Variants in UNC13C observed in about 807,000 individuals in gnomAD.
UNC13C encodes protein unc-13 homolog C.
UNC13C carries 174 observed loss-of-function variants against 245.4 expected under a neutral mutation model. That is an observed-to-expected ratio of 0.71 (90% confidence interval 0.63 to 0.80). UNC13C has a LOEUF of 0.80. UNC13C is among the 30% of genes least tolerant of loss of function. UNC13C has a pLI of 0.00. For synonymous variants in UNC13C, 992 were observed against 895.1 expected (o/e 1.11, Z -1.93); for missense variants, 2,829 against 2,602.9 (o/e 1.09, Z -1.89).
the UNC13C span, among the ~76,000 whole-genome samples, chr15:53,970,777 C>A: frequency 2.0e-5 from 3 of 152,192 alleles, no homozygotes; most frequent in African/African-American, 7.2e-5. Context: ...ACCACCATGG[C>A]ACATGTTGAC....
At chr15:54,488,197 G>A (rs1014863467) in intron 19 of UNC13C, among the ~76,000 whole-genome samples, 3 of 152,110 alleles carry the variant, frequency 2.0e-5, no homozygotes, top group South Asian at 2.1e-4. Flanking sequence ...AAATGCTTAC[G>A]TGTGTTTTGT....
chr15:54,277,477 G>T (rs950094646), intron 10 of UNC13C, among the ~76,000 whole-genome samples: 1 of 152,132 alleles, frequency 6.6e-6, no homozygotes. Context: ...CACTAACTCT[G>T]GGGGAACATT....
intron 2 of UNC13C, among the ~76,000 whole-genome samples, chr15:54,064,787 C>A (rs1208725814): frequency 1.3e-5 from 2 of 152,046 alleles, no homozygotes; most frequent in African/African-American, 2.4e-5. Context: ...TGAAGAGTTC[C>A]CATCACTTTC....
At chr15:53,887,573 G>A in the UNC13C span, among the ~76,000 whole-genome samples, 1 of 152,012 alleles carries the variant, frequency 6.6e-6, no homozygotes, top group East Asian at 1.9e-4. Flanking sequence ...CATGGGGTCT[G>A]TTTCTTTTTG....
intron 2 of UNC13C, among the ~76,000 whole-genome samples, chr15:54,104,405 TC>T (rs1900329109): frequency 6.6e-6 from 1 of 152,264 alleles, no homozygotes; most frequent in Middle Eastern, 3.4e-3. Flanking sequence ...TAGATTTTTT[TC>T]CCCCTGGCCA....
At chr15:54,304,086 A>G (rs1220526734) in intron 13 of UNC13C, among the ~76,000 whole-genome samples, 2 of 151,914 alleles carry the variant, frequency 1.3e-5, no homozygotes, top group Admixed American at 1.3e-4. Context: ...GATAGTAAAT[A>G]TTTTGTAGTT....
chr15:54,212,441 C>G (rs1334830753), intron 4 of UNC13C, among the ~76,000 whole-genome samples: 1 of 152,000 alleles, frequency 6.6e-6, no homozygotes, highest in Non-Finnish European at 1.5e-5. Flanking sequence ...GGAAACAGCT[C>G]CCACATCAAT....
At chr15:54,219,356 C>T (rs8030770) in intron 4 of UNC13C, among the ~76,000 whole-genome samples, 6,855 of 152,046 alleles carry the variant, frequency 0.045, 488 homozygotes, top group African/African-American at 0.16. Flanking sequence ...GGAAAGGATT[C>T]CCTATTTAAT....
At position 54,533,004 on chromosome 15, in the gene UNC13C, G is replaced by T. The variant is rs1442265111; in HGVS notation, c.5634G>T (p.Lys1878Asn). 7.5e-6 allele frequency: 12 copies of T among 1,601,212 alleles called. No individual in the cohort carries two copies. Among genetic ancestry groups the T allele is most frequent in the Non-Finnish European group, 9.4e-6 (11 of 1,172,982 alleles). The change falls in exon 26 of 33, where the codon AAG (lysine) becomes AAT (asparagine). Residue 1878 changes from lysine (K) to asparagine (N), a missense_variant. By Grantham distance (94) the Lys-to-Asn change is moderately conservative (BLOSUM62 0). Transcript: ENST00000260323. ...MRANGNTTSN[K>N]NSAAMDAEIV... is the part of the protein sequence containing the mutation. ...CAAATGGAAACACCACATCTAATAA[G>T]AACAGTGCAGCAATGGATGCAGAGA...
chr15:53,911,874 C>A, the UNC13C span: 1 of 152,266 alleles, frequency 6.6e-6, no homozygotes, highest in South Asian at 2.1e-4. Flanking sequence ...GAGTTCAGCA[C>A]CCCCGGATGC....
chr15:54,367,811 A>G (rs537509735), intron 17 of UNC13C, among the ~76,000 whole-genome samples: 14 of 152,262 alleles, frequency 9.2e-5, no homozygotes, highest in African/African-American at 2.4e-4. Flanking sequence ...GCACTATCCA[A>G]TATGGAAGCC....
intron 2 of UNC13C, among the ~76,000 whole-genome samples, chr15:54,122,760 A>C (rs529638866): frequency 6.6e-6 from 1 of 152,062 alleles, no homozygotes; most frequent in Non-Finnish European, 1.5e-5. Context: ...TCTTTCAGTT[A>C]GCACAATGGT....
the UNC13C span, among the ~76,000 whole-genome samples, chr15:53,908,424 G>C: frequency 6.8e-6 from 1 of 146,292 alleles, no homozygotes; most frequent in East Asian, 2.0e-4. Context: ...GGTCAGGCTA[G>C]CAGGATACAA....
intron 19 of UNC13C, among the ~76,000 whole-genome samples, chr15:54,465,747 A>C (rs1892131577): frequency 6.6e-6 from 1 of 152,006 alleles, no homozygotes. Context: ...GGGGATACAT[A>C]ATGAGGATTA....
intron 19 of UNC13C, among the ~76,000 whole-genome samples, chr15:54,444,636 G>A (rs1311070033): frequency 1.3e-5 from 2 of 151,448 alleles, no homozygotes; most frequent in South Asian, 2.1e-4. Context: ...TTATTATTGT[G>A]GTTTGGGATT....
chr15:54,419,625 T>G (rs945959658), intron 19 of UNC13C, among the ~76,000 whole-genome samples: 3 of 152,110 alleles, frequency 2.0e-5, no homozygotes, highest in Non-Finnish European at 2.9e-5. Context: ...ATGAGTATTT[T>G]ATCCCTGCCT....
At chr15:53,980,080 A>G (rs1893865222) in intron 1 of UNC13C, among the ~76,000 whole-genome samples, 1 of 152,142 alleles carries the variant, frequency 6.6e-6, no homozygotes, top group Non-Finnish European at 1.5e-5. Flanking sequence ...TGTTGTTCCC[A>G]CTTTCTTATG....
At chr15:54,280,850 C>T (rs2036976957) in intron 10 of UNC13C, among the ~76,000 whole-genome samples, 1 of 151,120 alleles carries the variant, frequency 6.6e-6, no homozygotes, top group African/African-American at 2.4e-5. Flanking sequence ...CAGGCTAGAG[C>T]ACAATGGCGC....
At chr15:54,368,265 A>G (rs958217968) in intron 17 of UNC13C, among the ~76,000 whole-genome samples, 1 of 152,136 alleles carries the variant, frequency 6.6e-6, no homozygotes, top group African/African-American at 2.4e-5. Flanking sequence ...TGAATTGTTC[A>G]CAGATCTAAT....
Sources: gnomAD v4.1 joint callset for allele counts (sites outside exome capture counted in the v4.1 genomes callset) on GRCh38, gnomAD v4.1.1 for gene constraint, MANE v1.5 for transcripts, NCBI Gene and HGNC (gene_info 2026-07-23, HGNC 2026-07-21) for gene names.